UBE2O: variants seen among roughly 807,000 people sequenced by gnomAD.
UBE2O encodes the protein (E3-independent) E2 ubiquitin-conjugating enzyme.
In UBE2O, 15 loss-of-function variants were observed where a neutral mutation model predicts 125.8. The ratio of observed to expected loss-of-function variants is 0.12; its 90% confidence interval spans 0.08 to 0.18. The LOEUF (loss-of-function observed/expected upper bound fraction) is 0.18. Ranked by LOEUF, UBE2O falls within the 10% of genes least tolerant of loss-of-function variation. UBE2O has a pLI of 1.00. For synonymous variants in UBE2O, 708 were observed against 703.2 expected (o/e 1.01, Z -0.11); for missense variants, 1,280 against 1,723.6 (o/e 0.74, Z 4.56).
chr17:76,413,772 A>G (rs1322784687), intron 1 of UBE2O, among the ~76,000 whole-genome samples: 2 of 152,080 alleles, frequency 1.3e-5, no homozygotes, highest in Non-Finnish European at 2.9e-5. Context: ...ATGCAAACCA[A>G]CACAAAACCC....
intron 1 of UBE2O, among the ~76,000 whole-genome samples, chr17:76,416,367 C>A (rs953253553): frequency 1.3e-5 from 2 of 152,136 alleles, no homozygotes; most frequent in Non-Finnish European, 2.9e-5. Flanking sequence ...TGGGAATCAT[C>A]TGAAAAAGTT....
At chr17:76,423,733 A>AAATAAAAAAAAAAAAAATG (rs2072750172) in intron 1 of UBE2O, among the ~76,000 whole-genome samples, 2 of 97,572 alleles carry the variant, frequency 2.0e-5, no homozygotes, top group Admixed American at 9.5e-5. Flanking sequence ...AATAAAAAAT[A>AAATAAAAAAAAAAAAAATG]AGGTCAGGCA....
intron 15 of UBE2O, among the ~76,000 whole-genome samples, chr17:76,393,012 C>T (rs1300423704): frequency 6.6e-6 from 1 of 151,376 alleles, no homozygotes; most frequent in East Asian, 2.0e-4. Context: ...AATCCCAGCA[C>T]TTTTGGGAGG....
rs1326293593 is a variant in UBE2O at position 76,390,712 on chromosome 17, C to T, written c.*231G>A. 6 of 436,452 alleles carry T rather than the reference C, an allele frequency of 1.4e-5. No individual in the cohort carries two copies. The highest frequency in any genetic ancestry group is 4.0e-5 in the African/African-American group (2 of 49,424). The allele number at this position is 436,452 out of a possible 1,614,324, so 27.0% of individuals were successfully genotyped here. A position where few individuals can be genotyped will look rare whatever the true frequency, so the allele number is the denominator to read the frequency against. ...AAATGGAAAATCGGCAACAGGGTTC[C>T]GATTTTCTTTGCCACAGGGGACCCG... is the stretch of plus-strand genomic sequence containing the variant. On this transcript the variant is annotated 3_prime_UTR_variant, in exon 18 of 18. Transcript: ENST00000319380.
At chr17:76,416,198 ATATGTGTGTG>A (rs745491281) in intron 1 of UBE2O, among the ~76,000 whole-genome samples, 19 of 151,144 alleles carry the variant, frequency 1.3e-4, no homozygotes, top group African/African-American at 3.9e-4. Context: ...GTATATGTGT[ATATGTGTGTG>A]TATATGTATG....
chr17:76,438,218 A>C (rs1312741488), intron 1 of UBE2O, among the ~76,000 whole-genome samples: 1 of 152,164 alleles, frequency 6.6e-6, no homozygotes, highest in African/African-American at 2.4e-5. Context: ...ATTGAGACAG[A>C]GTTTCAGTGG....
rs1339277643 is a variant in UBE2O, at chr17:76,433,747, G to C, written c.417+18978C>G. On this transcript the variant is annotated intron_variant, in intron 1 of 17. Coordinates refer to ENST00000319380, the MANE Select transcript of UBE2O (RefSeq NM_022066.4). ...AAAAGAGAGAGAGAGATGGGGTTTC[G>C]GCCAGTGCGGTGGCCTGTAATGCCA... 4.0e-5 allele frequency among the ~76,000 whole-genome samples: 6 copies of C among 151,834 alleles called. 1 individual carries two copies. The South Asian group carries it at 1.3e-3, about 32-fold the overall frequency.
At chr17:76,392,668 T>A (rs754623704) in intron 15 of UBE2O, among the ~76,000 whole-genome samples, 12 of 151,374 alleles carry the variant, frequency 7.9e-5, no homozygotes, top group Non-Finnish European at 1.8e-4. Context: ...AAGACTGTAT[T>A]CCAGCTGGGC....
intron 1 of UBE2O, among the ~76,000 whole-genome samples, chr17:76,419,648 T>C (rs1220115691): frequency 1.3e-5 from 2 of 152,170 alleles, no homozygotes; most frequent in Non-Finnish European, 2.9e-5. Context: ...CTGGGCCAGT[T>C]TCCATGCTGA....
At chr17:76,450,103 C>T (rs1172640369) in intron 1 of UBE2O, among the ~76,000 whole-genome samples, 1 of 151,660 alleles carries the variant, frequency 6.6e-6, no homozygotes, top group Non-Finnish European at 1.5e-5. Flanking sequence ...AAAAATCTGC[C>T]ACTACATTAT....
At chr17:76,428,081 T>C (rs1197228982) in intron 1 of UBE2O, among the ~76,000 whole-genome samples, 2 of 152,230 alleles carry the variant, frequency 1.3e-5, no homozygotes, top group African/African-American at 2.4e-5. Context: ...GTGATTGTAA[T>C]GGGAGCGGTT....
In UBE2O at chr17:76,405,338, C is replaced by T. The variant is rs774872378; in HGVS notation, c.478-22G>A. On this transcript the variant is annotated intron_variant, in intron 2 of 17. Transcript: ENST00000319380. This position sits in a 1 kb window ranked among gnomAD's most constrained non-coding sequence, Gnocchi z 6.1. ...TGTCCTGGGGGAGGGAGGAGACATG[C>T]AAGTCCCGTGGTGCAGCAGCCCTGG... 3.8e-6 allele frequency: 6 copies of T among 1,593,450 alleles called. No individual in the cohort carries two copies. Among genetic ancestry groups the T allele is most frequent in the South Asian group, 2.2e-5 (2 of 89,636 alleles).
At position 76,399,822 on chromosome 17, in the gene UBE2O, C is replaced by A. The variant is rs948497382; in HGVS notation, c.1255G>T (p.Gly419Trp). 3.1e-6 allele frequency: 5 copies of A among 1,614,074 alleles called. No individual in the cohort carries two copies. The highest frequency in any genetic ancestry group is 4.2e-6 in the Non-Finnish European group (5 of 1,180,048). ...GCTTCGCTCTTGGTTTTGGATTCCC[C>A]CTTCTTGTCTGGGTCTTCCATGGAA... Reference protein sequence around the residue: ...DHSMEDPDKKGESKTKSEAES... With the variant: ...DHSMEDPDKKWESKTKSEAES... Residue 419 changes from glycine to tryptophan, a missense_variant, in exon 9 of 18, where the codon GGG (glycine) becomes TGG (tryptophan). Physicochemically the swap from Gly to Trp is radical, Grantham distance 184 (BLOSUM62 -2). Around this residue, in one of 10 missense-constraint regions of UBE2O, gnomAD observed 141 missense variants for 141.3 expected, o/e 1.00. Coordinates refer to ENST00000319380, the MANE Select transcript of UBE2O (RefSeq NM_022066.4). The surrounding 1 kb of genome is among the most constrained non-coding windows in gnomAD (Gnocchi z 6.9).
In UBE2O at chr17:76,398,163, G is replaced by A. The variant is rs2072249802; in HGVS notation, c.2025+92C>T. 9.6e-6 allele frequency: 15 copies of A among 1,568,224 alleles called. No individual in the cohort carries two copies. The Admixed American group carries it at 1.7e-4, about 18-fold the overall frequency. ...TGAGCCCAGAGGACTTTCAGGTCTT[G>A]TCTCCTAGAGCCACCTGGTGGCAGC... On this transcript the variant is annotated intron_variant, in intron 12 of 17. Coordinates refer to ENST00000319380, the MANE Select transcript of UBE2O (RefSeq NM_022066.4). This position sits in a 1 kb window ranked among gnomAD's most constrained non-coding sequence, Gnocchi z 5.4.
At chr17:76,436,561 G>A (rs774443916) in intron 1 of UBE2O, among the ~76,000 whole-genome samples, 38 of 152,062 alleles carry the variant, frequency 2.5e-4, no homozygotes, top group Non-Finnish European at 4.1e-4. Context: ...ATCCCCGAGA[G>A]CCTAGACGAT....
chr17:76,400,177 G>C lies in UBE2O; in HGVS notation c.1125C>G (p.Cys375Trp). The C allele has an allele frequency of 6.2e-7, 1 of 1,614,060 alleles. No individual in the cohort carries two copies. The highest frequency in any genetic ancestry group is 8.5e-7 in the Non-Finnish European group (1 of 1,179,976). The change falls in exon 8 of 18, where the codon TGC becomes TGG. Residue 375 changes from cysteine (C) to tryptophan (W), a missense_variant. Physicochemically the swap from Cys to Trp is radical, Grantham distance 215. This residue lies in a region of UBE2O where 141 missense variants were observed against 141.3 expected (regional missense o/e 1.00). Coordinates refer to ENST00000319380, the MANE Select transcript of UBE2O (RefSeq NM_022066.4). This position sits in a 1 kb window ranked among gnomAD's most constrained non-coding sequence, Gnocchi z 4.3. The stretch of plus-strand genomic sequence containing the variant: ...TGGCCATAGAGCCCTCCCCCTGGGC[G>C]CAGTTTTTTTCTGGACATTCCCAGG... ...KIAWECPEKN[C>W]AQGEGSMAKK...
chr17:76,441,570 C>G (rs1476102000), intron 1 of UBE2O, among the ~76,000 whole-genome samples: 1 of 152,128 alleles, frequency 6.6e-6, no homozygotes, highest in Non-Finnish European at 1.5e-5. Flanking sequence ...TTGACATCAA[C>G]GAGGTTTGGA....
intron 1 of UBE2O, among the ~76,000 whole-genome samples, chr17:76,431,871 C>T (rs1325422483): frequency 1.3e-5 from 2 of 152,198 alleles, no homozygotes; most frequent in East Asian, 1.9e-4. Flanking sequence ...CTACAAATGG[C>T]TTTTTGTTTC....
chr17:76,397,235 C>T lies in UBE2O; in HGVS notation c.2116-414G>A, dbSNP rs371769625. Reference sequence around the variant, plus strand: ...GACAAGAGGGGACATGTAGAAGGGCCGACATATCCTGCTGCGTTCCCTGGA... The same window carrying T: ...GACAAGAGGGGACATGTAGAAGGGCTGACATATCCTGCTGCGTTCCCTGGA... On this transcript the variant is annotated intron_variant, in intron 13 of 17. Transcript: ENST00000319380. 1.1e-4 allele frequency among the ~76,000 whole-genome samples: 17 copies of T among 152,242 alleles called. No individual in the cohort carries two copies. In the South Asian group the frequency reaches 3.3e-3, roughly 30 times the overall value.
Sources: allele counts gnomAD v4.1 joint callset (sites outside exome capture counted in the v4.1 genomes callset), GRCh38; gene constraint gnomAD v4.1.1; regional missense constraint gnomAD v4.1.1; non-coding constraint Gnocchi (gnomAD v3.1); transcripts MANE v1.5; gene names NCBI Gene and HGNC (gene_info 2026-07-23, HGNC 2026-07-21).